The following ING3 variants were observed in gnomAD, a reference collection of about 807,000 sequenced individuals.
ING3 encodes the protein inhibitor of growth family member 3.
Under a neutral mutation model 64.8 loss-of-function variants are expected in ING3, and 6 were observed. The ratio of observed to expected loss-of-function variants is 0.09; its 90% CI spans 0.05 to 0.18. The LOEUF is 0.18. Among genes scored for constraint, ING3 ranks in the 10% least tolerant of loss-of-function variants. The pLI, the probability that ING3 is intolerant of heterozygous loss-of-function variation, is 1.00. For missense variants in ING3, 310 were observed against 489.7 expected (o/e 0.63, Z 3.46); for synonymous variants, 170 against 173.7 (o/e 0.98, Z 0.17).
chr7:120,952,213 A>G (rs1299674954), intron 2 of ING3, among the ~76,000 whole-genome samples: 3 of 152,230 alleles, frequency 2.0e-5, no homozygotes, highest in Non-Finnish European at 4.4e-5. Context: ...TTGCTGAAGT[A>G]GTGTTCTCTG....
rs1562972497 is a variant in ING3, at chr7:120,955,630, TA to T, written c.267+10del. The stretch of plus-strand genomic sequence containing the variant: ...CAAACCAGATATATGACTTGGTAAG[TA>T]AAAGTAATGTGCATACTGTGCCATA... On this transcript the variant is annotated splice_region_variant and intron_variant, in intron 4 of 11. Transcript: ENST00000315870. 6.3e-7 allele frequency: 1 copy of T among 1,580,510 alleles called. No homozygotes were observed. The highest frequency in any genetic ancestry group is 8.7e-7 in the Non-Finnish European group (1 of 1,149,524).
chr7:120,959,663 T>TG, intron 4 of ING3, among the ~76,000 whole-genome samples: 1 of 119,538 alleles, frequency 8.4e-6, no homozygotes, highest in East Asian at 2.6e-4. Flanking sequence ...TTTTTTTTTT[T>TG]GAGACGGAGT....
chr7:120,973,484 T>C (rs1796095409), intron 11 of ING3, among the ~76,000 whole-genome samples: 1 of 152,106 alleles, frequency 6.6e-6, no homozygotes, highest in African/African-American at 2.4e-5. Context: ...AGAAGTGTTA[T>C]GTTGTATGAA....
At chr7:120,957,297 G>T in intron 4 of ING3, among the ~76,000 whole-genome samples, 1 of 152,016 alleles carries the variant, frequency 6.6e-6, no homozygotes, top group Non-Finnish European at 1.5e-5. Context: ...GCGGGAACCC[G>T]GGAGGCGGAG....
At position 120,976,311 on chromosome 7, in the gene ING3, T is replaced by C. The variant is rs931047651; in HGVS notation, c.*1467T>C. Reference sequence around the variant, plus strand: ...CCACTTATGAGCTTCTTAGAACTTATTCAGATAACAGTGTAAAATCTATGC... The same window carrying C: ...CCACTTATGAGCTTCTTAGAACTTACTCAGATAACAGTGTAAAATCTATGC... On this transcript the variant is annotated 3_prime_UTR_variant, in exon 12 of 12. Transcript: ENST00000315870. 4 of 152,134 alleles carry C rather than the reference T, an allele frequency of 2.6e-5. No individual in the cohort carries two copies. Among genetic ancestry groups the C allele is most frequent in the Admixed American group, 1.3e-4 (2 of 15,268 alleles). The allele number at this position is 152,134 out of a possible 1,614,324, so 9.4% of individuals were successfully genotyped here.
chr7:120,973,053 C>T, intron 10 of ING3, 152 bp from the exon 11 acceptor site: 1 of 316,660 alleles, frequency 3.2e-6, no homozygotes, highest in Non-Finnish European at 6.2e-6. Flanking sequence ...AAGAGTATTT[C>T]AGGAAAAAAT....
At chr7:120,967,448 AT>A (rs1397609055) in intron 6 of ING3, 80 bp from the exon 7 acceptor site, 8 of 1,034,864 alleles carry the variant, frequency 7.7e-6, no homozygotes, top group Non-Finnish European at 9.5e-6. Context: ...ACTGTTTCAC[AT>A]TTTAACTGGA....
chr7:120,970,990 T>C, intron 10 of ING3, 110 bp downstream of exon 10: 2 of 1,134,610 alleles, frequency 1.8e-6, no homozygotes, highest in Non-Finnish European at 2.5e-6. Context: ...TTTGCTTTAT[T>C]TGTATACTTT....
chr7:120,952,489 A>G (rs966945109), intron 2 of ING3, among the ~76,000 whole-genome samples: 2 of 152,150 alleles, frequency 1.3e-5, no homozygotes, highest in Non-Finnish European at 2.9e-5. Flanking sequence ...TTGGGCTTAC[A>G]TTATACATAT....
chr7:120,964,408 G>A (rs990691855), intron 4 of ING3, among the ~76,000 whole-genome samples: 4 of 152,050 alleles, frequency 2.6e-5, no homozygotes, highest in Non-Finnish European at 5.9e-5. Context: ...AAAGTGACCA[G>A]CCTCCACCAT....
chr7:120,958,544 C>CGTCT (rs1484982195), intron 4 of ING3, among the ~76,000 whole-genome samples: 1 of 152,174 alleles, frequency 6.6e-6, no homozygotes, highest in African/African-American at 2.4e-5. Context: ...ATACTTCTTG[C>CGTCT]GTCTACACTT....
At chr7:120,967,881 A>G in intron 7 of ING3, 53 bp from the exon 8 acceptor site, 1 of 1,568,432 alleles carries the variant, frequency 6.4e-7, no homozygotes, top group South Asian at 1.1e-5. Flanking sequence ...ATTTAGACTC[A>G]CTAACATTAT....
In ING3 at chr7:120,959,630, ATTTTTTTTTTTTTT is replaced by A. The variant is rs397889009; in HGVS notation, c.267+4026_267+4039del. On this transcript the variant is annotated intron_variant, in intron 4 of 11. Coordinates refer to ENST00000315870, the MANE Select transcript of ING3 (RefSeq NM_019071.3). ...CCTATACTCCTTGTCACTTCCTCAC[ATTTTTTTTTTTTTT>A]TTTTTTTTTTTTTTTTTTTGAGACG... is the stretch of plus-strand genomic sequence containing the variant. Among the ~76,000 whole-genome samples, 35 of 55,704 alleles carry A rather than the reference ATTTTTTTTTTTTTT, an allele frequency of 6.3e-4. 1 individual carries two copies. The highest frequency in any genetic ancestry group is 1.1e-3 in the East Asian group (2 of 1,812). 36.5% of individuals were successfully genotyped at this position (55,704 alleles called of 152,430 possible).
intron 2 of ING3, among the ~76,000 whole-genome samples, 193 bp from the exon 3 acceptor site, chr7:120,953,111 A>AG (rs1275199086): frequency 2.6e-5 from 4 of 152,168 alleles, no homozygotes; most frequent in Non-Finnish European, 5.9e-5. Flanking sequence ...TCTGTCAATA[A>AG]GGAAAATTGT....
intron 4 of ING3, chr7:120,956,271 A>G (rs1795845750): frequency 1.3e-6 from 2 of 1,515,278 alleles, no homozygotes; most frequent in Non-Finnish European, 1.8e-6. Context: ...CTCCTAAAAT[A>G]TACACTTTAA....
intron 11 of ING3, 130 bp downstream of exon 11, chr7:120,973,373 A>G (rs1796093099): frequency 1.7e-6 from 1 of 595,714 alleles, no homozygotes; most frequent in Non-Finnish European, 3.0e-6. Context: ...ATATTATGCT[A>G]ATGCTAGAAT....
At chr7:120,951,264 C>G in intron 2 of ING3, 29 bp downstream of exon 2, 1 of 1,606,936 alleles carries the variant, frequency 6.2e-7, no homozygotes, top group Non-Finnish European at 8.5e-7. Context: ...TACTCCTGTT[C>G]GCTGCGCGCG....
intron 4 of ING3, 169 bp downstream of exon 4, chr7:120,955,793 A>C: frequency 3.3e-6 from 2 of 611,376 alleles, no homozygotes; most frequent in Non-Finnish European, 5.8e-6. Context: ...TTCTTTGTGG[A>C]AAAGTCAGAG....
intron 11 of ING3, 122 bp downstream of exon 11, chr7:120,973,365 A>G (rs2721369): frequency 1 from 642,213 of 643,626 alleles, 320,404 homozygotes; most frequent in Middle Eastern, 1. Context: ...TATTAGTTAT[A>G]TTATGCTAAT....
Sources: gnomAD v4.1 joint callset for allele counts (sites outside exome capture counted in the v4.1 genomes callset) on GRCh38, gnomAD v4.1.1 for gene constraint, MANE v1.5 for transcripts, NCBI Gene and HGNC (gene_info 2026-07-23, HGNC 2026-07-21) for gene names.